Variants in LOC122513141 observed in about 807,000 individuals in gnomAD.
the LOC122513141 span, chr9:137,218,137 C>T: frequency 5.0e-6 from 2 of 398,406 alleles, no homozygotes; most frequent in Non-Finnish European, 8.8e-6. Context: ...TGAACTGTAG[C>T]CACGGCCTGT....
At chr9:137,217,763 C>T in the LOC122513141 span, 1 of 390,304 alleles carries the variant, frequency 2.6e-6, no homozygotes. Context: ...CCTGGGGTCC[C>T]TGTCCTCCTA....
At chr9:137,218,531 C>T in the LOC122513141 span, 3 of 400,944 alleles carry the variant, frequency 7.5e-6, no homozygotes, top group African/African-American at 2.1e-5. Context: ...GCTTCTGGGG[C>T]TGCTGCTGGT....
At chr9:137,218,962 T>G in the LOC122513141 span, 4 of 233,478 alleles carry the variant, frequency 1.7e-5, no homozygotes, top group Non-Finnish European at 8.3e-6. Flanking sequence ...CCGGCCACAC[T>G]TCCCCTCCGA....
At chr9:137,218,179 G>T in the LOC122513141 span, 1 of 398,390 alleles carries the variant, frequency 2.5e-6, no homozygotes, top group East Asian at 3.6e-5. Flanking sequence ...TGCTGGGCTC[G>T]GCCTCCAGTG....
chr9:137,218,207 C>T, the LOC122513141 span: 11 of 398,318 alleles, frequency 2.8e-5, no homozygotes, highest in South Asian at 2.5e-4. Flanking sequence ...GGGCCGGGTG[C>T]GCTGCCCGCT....
At chr9:137,217,605 G>A in the LOC122513141 span, 2 of 184,812 alleles carry the variant, frequency 1.1e-5, no homozygotes, top group Non-Finnish European at 2.2e-5. Flanking sequence ...ACAGCACCGC[G>A]TGGGCCCAGG....
the LOC122513141 span, chr9:137,218,398 G>A: frequency 2.5e-6 from 1 of 398,480 alleles, no homozygotes; most frequent in Non-Finnish European, 4.4e-6. Context: ...CAGGGCCCGT[G>A]GGCGGCCGGG....
At chr9:137,219,146 G>C in the LOC122513141 span, 1 of 152,658 alleles carries the variant, frequency 6.6e-6, no homozygotes, top group Non-Finnish European at 1.5e-5. Flanking sequence ...GCCTGCAAAG[G>C]CTCCTCTCCC....
the LOC122513141 span, chr9:137,219,308 T>G: frequency 4.0e-5 from 6 of 151,760 alleles, no homozygotes; most frequent in Admixed American, 3.9e-4. Context: ...CAGCGAGAGA[T>G]GGAGGACTGA....
the LOC122513141 span, chr9:137,217,504 C>G: frequency 6.5e-6 from 1 of 153,850 alleles, no homozygotes; most frequent in Non-Finnish European, 1.4e-5. Flanking sequence ...ACACCCGCCT[C>G]GCTGTCTTGG....
At chr9:137,218,102 C>T in the LOC122513141 span, 50,290 of 398,730 alleles carry the variant, frequency 0.13, 3,427 homozygotes, top group Middle Eastern at 0.21. Flanking sequence ...GCCCTACGGG[C>T]CCAGAGAGCG....
the LOC122513141 span, chr9:137,218,292 C>T: frequency 5.0e-6 from 2 of 398,320 alleles, no homozygotes; most frequent in African/African-American, 2.1e-5. Flanking sequence ...GCCGACGGGC[C>T]CTCACGCCAG....
the LOC122513141 span, chr9:137,218,928 C>T: frequency 3.3e-6 from 1 of 303,184 alleles, no homozygotes; most frequent in African/African-American, 2.2e-5. Context: ...GGCAGACGGG[C>T]ACCGTACTGG....
the LOC122513141 span, chr9:137,217,787 C>T: frequency 2.5e-6 from 1 of 395,962 alleles, no homozygotes; most frequent in Non-Finnish European, 4.4e-6. Flanking sequence ...TGACTCCTGC[C>T]CCAGGGCCAC....
the LOC122513141 span, chr9:137,218,058 A>G: frequency 2.5e-6 from 1 of 399,328 alleles, no homozygotes; most frequent in Non-Finnish European, 4.4e-6. Flanking sequence ...GCAGCAGGGC[A>G]GGGGGAAGAG....
the LOC122513141 span, chr9:137,217,505 G>A: frequency 0.093 from 14,327 of 153,772 alleles, 931 homozygotes; most frequent in Middle Eastern, 0.22. Flanking sequence ...CACCCGCCTC[G>A]CTGTCTTGGA....
the LOC122513141 span, chr9:137,218,712 T>G: frequency 1.5e-5 from 6 of 397,576 alleles, no homozygotes; most frequent in Non-Finnish European, 2.7e-5. Flanking sequence ...AAACCCAAGG[T>G]TGGGTCCAGG....
the LOC122513141 span, chr9:137,218,237 G>C: frequency 2.5e-6 from 1 of 398,374 alleles, no homozygotes; most frequent in Non-Finnish European, 4.4e-6. Flanking sequence ...GAAGACGCCC[G>C]TGCTGGAATG....
the LOC122513141 span, chr9:137,218,297 CGCCAGCCCCGCCG>C: frequency 2.5e-6 from 1 of 398,298 alleles, no homozygotes; most frequent in Non-Finnish European, 4.4e-6. Flanking sequence ...CGGGCCCTCA[CGCCAGCCCCGCCG>C]AGAGGCCCCT....
Sources: allele counts gnomAD v4.1 joint callset, GRCh38; gene constraint gnomAD v4.1.1; transcripts MANE v1.5.